The following OR4D1 variants were observed in gnomAD, a reference collection of about 807,000 sequenced individuals.
The protein encoded by OR4D1 is olfactory receptor 4D1.
OR4D1 carries 10 observed loss-of-function variants against 14.2 expected under a neutral mutation model. That is an observed-to-expected ratio of 0.71 (90% CI 0.44 to 1.20). OR4D1 has a LOEUF of 1.20. Among genes scored for constraint, OR4D1 ranks in the 50% most tolerant of loss-of-function variants. OR4D1 has a pLI of 0.00. For missense variants in OR4D1, 345 were observed against 376.6 expected, an observed-to-expected ratio of 0.92 and a Z score of 0.70; for synonymous variants, 141 against 147.4, an observed-to-expected ratio of 0.96 and a Z score of 0.32.
Position 58,157,583 on chromosome 17 carries a change from G to A in OR4D1, c.*1497G>A, listed in dbSNP as rs1363602736. On this transcript the variant is annotated 3_prime_UTR_variant, in exon 4 of 4. Transcript: ENST00000268912. The stretch of plus-strand genomic sequence containing the variant: ...CAAAATCTTGTTCCAGAACCGAAGG[G>A]CCAAGACGAAAAGACTGCAGGAGTC... 8.1e-6 allele frequency: 13 copies of A among 1,605,850 alleles called. No homozygotes were observed. The highest frequency in any genetic ancestry group is 5.3e-5 in the African/African-American group (4 of 74,768).
chr17:58,157,078 G>A lies in OR4D1; in HGVS notation c.*992G>A, dbSNP rs1272032644. On this transcript the variant is annotated 3_prime_UTR_variant, in exon 4 of 4. Transcript: ENST00000268912. ...GCGGTGGCGGTCGGGCCAGGTCCGG[G>A]GCCTGGGGACGCCGAGGCGGCCGCG... is the stretch of plus-strand genomic sequence containing the variant. 2.8e-6 allele frequency: 4 copies of A among 1,449,542 alleles called. No homozygotes were observed. Among genetic ancestry groups the A allele is most frequent in the Admixed American group, 2.2e-5 (1 of 44,982 alleles). 89.8% of individuals were successfully genotyped at this position (1,449,542 alleles called of 1,614,324 possible).
rs1967712380 is a variant in OR4D1, at chr17:58,152,210, G to A, written c.-126-1647G>A. On this transcript the variant is annotated intron_variant, in intron 2 of 3. Coordinates refer to ENST00000268912, the MANE Select transcript of OR4D1 (RefSeq NM_001386095.1). ...AGTAGAGATGGGGTTTCACCACGTT[G>A]GCCAGGCTGCTCTCGAACTCCTGAC... is the stretch of plus-strand genomic sequence containing the variant. Among the ~76,000 whole-genome samples the A allele has an allele frequency of 2.6e-5, 4 of 152,136 alleles. No individual in the cohort carries two copies. The South Asian group carries it at 8.3e-4, about 32-fold the overall frequency.
rs774669914 is a variant in OR4D1, at chr17:58,158,758, G to A, written c.*2672G>A. ...TTTCTGCTTAAAAAATGAGTACCTT[G>A]TAACCATTACCTGTATGCTAAATAT... On this transcript the variant is annotated 3_prime_UTR_variant, in exon 4 of 4. Transcript: ENST00000268912. 1 of 152,162 alleles carries A rather than the reference G, an allele frequency of 6.6e-6. No homozygotes were observed. Among genetic ancestry groups the A allele is most frequent in the Admixed American group, 6.6e-5 (1 of 15,258 alleles). 9.4% of individuals were successfully genotyped at this position (152,162 alleles called of 1,614,324 possible).
chr17:58,156,981 G>C lies in OR4D1; in HGVS notation c.*895G>C, dbSNP rs1167957180. ...TGAGTCGCCGCTGCGGGTTGCTAGC[G>C]GAGTCGCGCGTCGGGAGCTACGTAG... is the stretch of plus-strand genomic sequence containing the variant. On this transcript the variant is annotated 3_prime_UTR_variant, in exon 4 of 4. Transcript: ENST00000268912. 1.4e-6 allele frequency: 1 copy of C among 733,108 alleles called. No individual in the cohort carries two copies. Among genetic ancestry groups the C allele is most frequent in the East Asian group, 2.7e-5 (1 of 36,630 alleles). The allele number at this position is 733,108 out of a possible 1,614,324, so 45.4% of individuals were successfully genotyped here. A position where few individuals can be genotyped will look rare whatever the true frequency, so the allele number is the denominator to read the frequency against.
chr17:58,151,498 T>C (rs1967704890), intron 2 of OR4D1, among the ~76,000 whole-genome samples: 1 of 152,190 alleles, frequency 6.6e-6, no homozygotes, highest in Admixed American at 6.5e-5. Context: ...CTCCCACTTG[T>C]AAGTGAGAAC....
At position 58,156,836 on chromosome 17, in the gene OR4D1, C is replaced by A. The variant is rs1967780919; in HGVS notation, c.*750C>A. The stretch of plus-strand genomic sequence containing the variant: ...AGAAGTATCTCTGATGAATGGTCAA[C>A]TGCTTCATCTTAACTCTGGGACAGT... On this transcript the variant is annotated 3_prime_UTR_variant, in exon 4 of 4. Coordinates refer to ENST00000268912, the MANE Select transcript of OR4D1 (RefSeq NM_001386095.1). The A allele has an allele frequency of 5.8e-6, 2 of 343,878 alleles. No homozygotes were observed. Among genetic ancestry groups the A allele is most frequent in the Non-Finnish European group, 1.1e-5 (2 of 183,646 alleles). The allele number at this position is 343,878 out of a possible 1,614,324, so 21.3% of individuals were successfully genotyped here. A position where few individuals can be genotyped will look rare whatever the true frequency, so the allele number is the denominator to read the frequency against.
Position 58,148,584 on chromosome 17 carries a change from C to T in OR4D1, c.-495C>T, listed in dbSNP as rs62083698. ...GACAAATCAGCACGACAAAGCCTAT[C>T]GTGAGACAAGCATGGGGTGGAGGGA... On this transcript the variant is annotated splice_region_variant and 5_prime_UTR_variant, in exon 1 of 4. Transcript: ENST00000268912. 2,664 of 152,176 alleles carry T rather than the reference C, an allele frequency of 0.018. 42 individuals are homozygous for T. The highest frequency in any genetic ancestry group is 0.023 in the Non-Finnish European group (1,544 of 68,036). The allele number at this position is 152,176 out of a possible 1,614,324, so 9.4% of individuals were successfully genotyped here.
rs1159062902 is a variant in OR4D1, at chr17:58,155,962, C to G, written c.809C>G (p.Ala270Gly). The stretch of plus-strand genomic sequence containing the variant: ...TTCACCCCATTCCTCATGGACAAGG[C>G]TGTGTCCATCAGCTACACAGTCATG... ...WPFTPFLMDK[A>G]VSISYTVMTP... is the part of the protein sequence containing the mutation. The change falls in exon 4 of 4, where the codon GCT (alanine) becomes GGT (glycine). Residue 270 changes from alanine (A) to glycine (G), a missense_variant. Coordinates refer to ENST00000268912, the MANE Select transcript of OR4D1 (RefSeq NM_001386095.1). The G allele has an allele frequency of 1.2e-6, 2 of 1,614,056 alleles. No homozygotes were observed. Among genetic ancestry groups the G allele is most frequent in the South Asian group, 2.2e-5 (2 of 91,082 alleles).
At chr17:58,149,863 T>C (rs998363204) in intron 2 of OR4D1, 67 bp downstream of exon 2, 7 of 152,218 alleles carry the variant, frequency 4.6e-5, no homozygotes, top group African/African-American at 1.7e-4. Flanking sequence ...GAATCCCAGC[T>C]CTGCTTCTTC....
At chr17:58,151,841 G>A (rs2877872) in intron 2 of OR4D1, among the ~76,000 whole-genome samples, 81,223 of 151,922 alleles carry the variant, frequency 0.53, 23,030 homozygotes, top group East Asian at 0.84. Context: ...ATATCCTTAA[G>A]CATACATTTT....
At position 58,155,395 on chromosome 17, in the gene OR4D1, T is replaced by C. The variant is rs368613843; in HGVS notation, c.242T>C (p.Met81Thr). The change falls in exon 4 of 4, where the codon ATG becomes ACG. Residue 81 changes from methionine to threonine, a missense_variant. Met to Thr is a moderately conservative substitution (Grantham distance 81). Coordinates refer to ENST00000268912, the MANE Select transcript of OR4D1 (RefSeq NM_001386095.1). ...LCYSTVTSPKMLVDFLHETKT... is the reference protein window; with the variant it reads ...LCYSTVTSPKTLVDFLHETKT... ...TATTCCACAGTCACCTCTCCAAAGA[T>C]GCTGGTGGACTTCCTCCATGAGACC... 6.2e-7 allele frequency: 1 copy of C among 1,614,220 alleles called. No homozygotes were observed. The highest frequency in any genetic ancestry group is 8.5e-7 in the Non-Finnish European group (1 of 1,180,014).
chr17:58,156,893 T>C lies in OR4D1; in HGVS notation c.*807T>C, dbSNP rs1454780448. On this transcript the variant is annotated 3_prime_UTR_variant, in exon 4 of 4. Transcript: ENST00000268912. The stretch of plus-strand genomic sequence containing the variant: ...CTTTTCTGCTCCCCACCTCCCTGCC[T>C]CATTCCCCACTGTGGAATTTAGAAA... 3.6e-6 allele frequency: 2 copies of C among 563,200 alleles called. No individual in the cohort carries two copies. The highest frequency in any genetic ancestry group is 6.5e-6 in the Non-Finnish European group (2 of 306,854). The allele number at this position is 563,200 out of a possible 1,614,324, so 34.9% of individuals were successfully genotyped here.
chr17:58,156,943 C>G lies in OR4D1; in HGVS notation c.*857C>G, dbSNP rs978603287. 4.5e-6 allele frequency: 3 copies of G among 660,872 alleles called. No homozygotes were observed. Among genetic ancestry groups the G allele is most frequent in the East Asian group, 2.8e-5 (1 of 35,738 alleles). The allele number at this position is 660,872 out of a possible 1,614,324, so 40.9% of individuals were successfully genotyped here. On this transcript the variant is annotated 3_prime_UTR_variant, in exon 4 of 4. Coordinates refer to ENST00000268912, the MANE Select transcript of OR4D1 (RefSeq NM_001386095.1). ...AGTTATCTCGCCCTCCCTCCTCCCCCACAAAAAAAGTTTGAGTCGCCGCTG... is the reference window on the plus strand; with the variant it reads ...AGTTATCTCGCCCTCCCTCCTCCCCGACAAAAAAAGTTTGAGTCGCCGCTG...
chr17:58,158,444 C>T lies in OR4D1; in HGVS notation c.*2358C>T, dbSNP rs1201512552. ...CCATATTTGTTCCTATCTCTCCCCA[C>T]GCCCACCCCCCCCCCACACACACAT... On this transcript the variant is annotated 3_prime_UTR_variant, in exon 4 of 4. Transcript: ENST00000268912. 2 of 99,158 alleles carry T rather than the reference C, an allele frequency of 2.0e-5. No individual in the cohort carries two copies. Among genetic ancestry groups the T allele is most frequent in the African/African-American group, 6.4e-5 (2 of 31,284 alleles). The allele number at this position is 99,158 out of a possible 1,614,324, so 6.1% of individuals were successfully genotyped here.
At chr17:58,149,216 T>C (rs187520405) in intron 1 of OR4D1, among the ~76,000 whole-genome samples, 1 of 152,356 alleles carries the variant, frequency 6.6e-6, no homozygotes, top group Admixed American at 6.5e-5. Context: ...ATTTTCTTTC[T>C]TGTCTAGAAT....
At chr17:58,154,263 C>G (rs369859555) in intron 3 of OR4D1, among the ~76,000 whole-genome samples, 1 of 115,356 alleles carries the variant, frequency 8.7e-6, no homozygotes, top group Non-Finnish European at 1.8e-5. Flanking sequence ...TCCAGCCAAC[C>G]CTCTTTTTTT....
chr17:58,154,089 G>A (rs1319080690), intron 3 of OR4D1, among the ~76,000 whole-genome samples, 126 bp downstream of exon 3: 1 of 152,008 alleles, frequency 6.6e-6, no homozygotes, highest in Non-Finnish European at 1.5e-5. Context: ...CCAAATGGCT[G>A]GGGATTACAG....
At chr17:58,154,380 A>G (rs1002966079) in intron 3 of OR4D1, among the ~76,000 whole-genome samples, 1 of 152,082 alleles carries the variant, frequency 6.6e-6, no homozygotes, top group Non-Finnish European at 1.5e-5. Flanking sequence ...TGTATAATAG[A>G]AAATTCGCAT....
chr17:58,157,533 C>T lies in OR4D1; in HGVS notation c.*1447C>T, dbSNP rs1967792312. ...GCAGAGGGTGCGGACTTCTCCAGCT[C>T]TCCGAACCTCACGGAGACTCAGGTC... On this transcript the variant is annotated 3_prime_UTR_variant, in exon 4 of 4. Transcript: ENST00000268912. The T allele has an allele frequency of 7.0e-7, 1 of 1,427,228 alleles. No individual in the cohort carries two copies. Among genetic ancestry groups the T allele is most frequent in the Non-Finnish European group, 9.9e-7 (1 of 1,010,604 alleles). The allele number at this position is 1,427,228 out of a possible 1,614,324, so 88.4% of individuals were successfully genotyped here.
Sources: allele counts gnomAD v4.1 joint callset (sites outside exome capture counted in the v4.1 genomes callset), GRCh38; gene constraint gnomAD v4.1.1; transcripts MANE v1.5; gene names NCBI Gene and HGNC (gene_info 2026-07-23, HGNC 2026-07-21).